The following HDGFL2 variants were observed in gnomAD, a reference collection of about 807,000 sequenced individuals.
HDGFL2 encodes HDGF like 2.
Under a neutral mutation model 77.1 loss-of-function variants are expected in HDGFL2, and 36 were observed. The ratio of observed to expected loss-of-function variants is 0.47; its 90% CI spans 0.36 to 0.62. The LOEUF (loss-of-function observed/expected upper bound fraction) is 0.62. Among genes scored for constraint, HDGFL2 ranks in the 20% least tolerant of loss-of-function variants. HDGFL2 has a pLI of 0.00. For missense variants in HDGFL2, 976 were observed against 973.4 expected (o/e 1.00, Z -0.04); for synonymous variants, 463 against 413.1 (o/e 1.12, Z -1.46).
At chr19:4,493,563 A>G in intron 6 of HDGFL2, 140 bp from the exon 7 acceptor site, 2 of 1,146,750 alleles carry the variant, frequency 1.7e-6, no homozygotes, top group Non-Finnish European at 2.2e-6. Flanking sequence ...TGTGGGTGGG[A>G]GGGGATTCGG....
At chr19:4,482,240 C>T (rs1052413236) in intron 3 of HDGFL2, among the ~76,000 whole-genome samples, 4 of 150,948 alleles carry the variant, frequency 2.6e-5, no homozygotes, top group African/African-American at 4.9e-5. Context: ...GATGGAGTCT[C>T]GCTCTGTTGC....
rs762033995 is a variant in HDGFL2, at chr19:4,499,628, C to T, written c.1713C>T (p.Ala571=). 5.5e-5 allele frequency: 87 copies of T among 1,594,870 alleles called. No individual in the cohort carries two copies. Among genetic ancestry groups the T allele is most frequent in the African/African-American group, 9.4e-5 (7 of 74,528 alleles). The change falls in exon 14 of 16, where the codon GCC becomes GCT. Residue 571 remains alanine (A), a synonymous_variant. Transcript: ENST00000616600. ...VNKAGMEKEK[A]EEKLAGEELA... ...AGGCTGGGATGGAGAAGGAGAAGGCCGAGGAGAAGCTGGCCGGGGAGGAGC... is the reference window on the plus strand; with the variant it reads ...AGGCTGGGATGGAGAAGGAGAAGGCTGAGGAGAAGCTGGCCGGGGAGGAGC...
chr19:4,476,943 C>T (rs1033905444), intron 3 of HDGFL2, among the ~76,000 whole-genome samples: 4 of 151,024 alleles, frequency 2.6e-5, no homozygotes, highest in African/African-American at 7.3e-5. Flanking sequence ...ATGAATTTGG[C>T]GGGGAGGCCC....
intron 3 of HDGFL2, among the ~76,000 whole-genome samples, chr19:4,479,904 TAA>T (rs11321906): frequency 8.9e-4 from 108 of 121,972 alleles, no homozygotes; most frequent in Middle Eastern, 4.1e-3. Flanking sequence ...AGACTCTGTC[TAA>T]AAAAAAAAAA....
At chr19:4,495,964 G>C (rs573178765) in intron 9 of HDGFL2, among the ~76,000 whole-genome samples, 4 of 152,146 alleles carry the variant, frequency 2.6e-5, no homozygotes, top group Admixed American at 6.5e-5. Context: ...GGGAAAGCAC[G>C]AACAGCGCCG....
Position 4,491,982 on chromosome 19 carries a change from C to T in HDGFL2, c.678+147C>T, listed in dbSNP as rs4613190. 334 of 692,130 alleles carry T rather than the reference C, an allele frequency of 4.8e-4. No individual in the cohort carries two copies. In the African/African-American group the frequency reaches 5.1e-3, roughly 11 times the overall value. 42.9% of individuals were successfully genotyped at this position (692,130 alleles called of 1,614,324 possible). A position where few individuals can be genotyped will look rare whatever the true frequency, so the allele number is the denominator to read the frequency against. ...CCGAGGGGACCGCCTCTGCCCTGAG[C>T]GTGGCACCTCGTTATGGCCGCACTG... On this transcript the variant is annotated intron_variant, in intron 6 of 15. Transcript: ENST00000616600.
At chr19:4,488,464 C>T (rs1286715833) in intron 3 of HDGFL2, among the ~76,000 whole-genome samples, 1 of 152,164 alleles carries the variant, frequency 6.6e-6, no homozygotes, top group Non-Finnish European at 1.5e-5. Flanking sequence ...CGCGGCCCGA[C>T]CCTAGTGCCC....
At chr19:4,479,353 G>T (rs552899717) in intron 3 of HDGFL2, among the ~76,000 whole-genome samples, 1 of 149,544 alleles carries the variant, frequency 6.7e-6, no homozygotes, top group African/African-American at 2.5e-5. Flanking sequence ...GGAGGCCGAG[G>T]CGGGCAGATC....
intron 6 of HDGFL2, among the ~76,000 whole-genome samples, chr19:4,492,504 A>G (rs1465588473): frequency 6.6e-6 from 1 of 151,082 alleles, no homozygotes; most frequent in Non-Finnish European, 1.5e-5. Context: ...CTGTTCATGT[A>G]TCTATGTGTC....
At chr19:4,482,350 C>T (rs1035296503) in intron 3 of HDGFL2, among the ~76,000 whole-genome samples, 1 of 152,116 alleles carries the variant, frequency 6.6e-6, no homozygotes, top group Non-Finnish European at 1.5e-5. Context: ...GCCGGGACTA[C>T]AGGCGCACAT....
In HDGFL2 at chr19:4,499,663, A is replaced by C; in HGVS notation, c.1748A>C (p.Glu583Ala). Residue 583 changes from glutamate (E) to alanine (A), a missense_variant, in exon 14 of 16, where the codon GAG becomes GCG. Coordinates refer to ENST00000616600, the MANE Select transcript of HDGFL2 (RefSeq NM_001001520.3). ...EKLAGEELAG[E>A]EAPQEKAEDK... ...CTGGCCGGGGAGGAGCTGGCCGGGG[A>C]GGAGGCCCCCCAGGAGAAGGCGGAG... 2 of 1,468,142 alleles carry C rather than the reference A, an allele frequency of 1.4e-6. No individual in the cohort carries two copies. The highest frequency in any genetic ancestry group is 1.8e-6 in the Non-Finnish European group (2 of 1,091,906). The allele number at this position is 1,468,142 out of a possible 1,614,324, so 90.9% of individuals were successfully genotyped here.
intron 3 of HDGFL2, among the ~76,000 whole-genome samples, chr19:4,479,128 C>T (rs1975147643): frequency 6.6e-6 from 1 of 151,290 alleles, no homozygotes. Context: ...GAGTTCCAGA[C>T]CAGCCTGTTC....
rs763602811 is a variant in HDGFL2 at position 4,499,713 on chromosome 19, C to A, written c.1789+9C>A. The A allele has an allele frequency of 2.0e-6, 1 of 507,834 alleles. No individual in the cohort carries two copies. The highest frequency in any genetic ancestry group is 6.2e-5 in the East Asian group (1 of 16,066). The allele number at this position is 507,834 out of a possible 1,614,324, so 31.5% of individuals were successfully genotyped here. On this transcript the variant is annotated intron_variant, in intron 14 of 15. Transcript: ENST00000616600. The stretch of plus-strand genomic sequence containing the variant: ...GGACAAGCCCAGCACCGGTGAGGGG[C>A]GGGTGGGGTGGGCCCTGTACCTCAG...
At chr19:4,473,253 C>G (rs1028629732) in intron 1 of HDGFL2, among the ~76,000 whole-genome samples, 1 of 146,972 alleles carries the variant, frequency 6.8e-6, no homozygotes, top group Admixed American at 6.7e-5. Context: ...CGCCAATGGT[C>G]TGGGGGTCCT....
chr19:4,479,615 C>G (rs1411498335), intron 3 of HDGFL2, among the ~76,000 whole-genome samples: 2 of 145,246 alleles, frequency 1.4e-5, no homozygotes, highest in Admixed American at 7.0e-5. Context: ...AACCCCGCCT[C>G]TACCCAAACT....
intron 6 of HDGFL2, among the ~76,000 whole-genome samples, chr19:4,493,084 T>C (rs1171147305): frequency 2.7e-5 from 1 of 36,652 alleles, no homozygotes; most frequent in African/African-American, 1.5e-4. Flanking sequence ...GGTGTGTGTG[T>C]GTTATCTGTG....
chr19:4,490,396 T>G (rs886155407), intron 4 of HDGFL2, among the ~76,000 whole-genome samples: 1 of 152,234 alleles, frequency 6.6e-6, no homozygotes, highest in African/African-American at 2.4e-5. Flanking sequence ...CCTCCCTTCC[T>G]TTTCCTGGCC....
chr19:4,499,393 G>A, intron 13 of HDGFL2, 98 bp from the exon 14 acceptor site: 22 of 1,025,550 alleles, frequency 2.1e-5, no homozygotes, highest in Non-Finnish European at 3.0e-5. Context: ...GCTCCCGGGA[G>A]GGGCTGCGGG....
chr19:4,475,500 G>T lies in HDGFL2; in HGVS notation c.205G>T (p.Gly69Trp). 6.2e-7 allele frequency: 1 copy of T among 1,606,800 alleles called. No homozygotes were observed. The highest frequency in any genetic ancestry group is 8.5e-7 in the Non-Finnish European group (1 of 1,178,224). Residue 69 changes from glycine (G) to tryptophan (W), a missense_variant, in exon 3 of 16, where the codon GGG (glycine) becomes TGG (tryptophan). Physicochemically the swap from Gly to Trp is radical, Grantham distance 184 (BLOSUM62 -2). This residue lies in a region of HDGFL2 where 103 missense variants were observed against 145.7 expected (regional missense o/e 0.71). Transcript: ENST00000616600. ...CTACGACAAATGTAAAGACAAGTAC[G>T]GGAAGCCCAACAAGAGGAAAGGCTT... is the stretch of plus-strand genomic sequence containing the variant. ...FPYDKCKDKY[G>W]KPNKRKGFNE...
Sources: allele counts gnomAD v4.1 joint callset (sites outside exome capture counted in the v4.1 genomes callset), GRCh38; gene constraint gnomAD v4.1.1; regional missense constraint gnomAD v4.1.1; transcripts MANE v1.5; gene names NCBI Gene and HGNC (gene_info 2026-07-23, HGNC 2026-07-21).